Variants in FOXP1 observed in about 807,000 individuals in gnomAD.
FOXP1 encodes forkhead box protein P1.
Under a neutral mutation model 98.2 loss-of-function variants are expected in FOXP1, and 15 were observed. The observed-to-expected ratio is 0.15, with a 90% confidence interval of 0.10 to 0.24. The LOEUF (loss-of-function observed/expected upper bound fraction) is 0.24, where lower values mean the gene tolerates loss of function less well. FOXP1 is among the 10% of genes least tolerant of loss of function. The probability of loss-of-function intolerance (pLI) is 1.00; values close to 1 mark genes in which losing one functional copy is unlikely to be tolerated. For missense variants in FOXP1, 633 were observed against 848.5 expected, an observed-to-expected ratio of 0.75 and a Z score of 3.15; for synonymous variants, 371 against 314.5, an observed-to-expected ratio of 1.18 and a Z score of -1.90.
At chr3:71,265,637 C>T (rs564404237) in intron 5 of FOXP1, among the ~76,000 whole-genome samples, 9 of 152,280 alleles carry the variant, frequency 5.9e-5, no homozygotes, top group Admixed American at 2.0e-4. Flanking sequence ...TGCAACACGG[C>T]GGAAAATGTG....
At chr3:70,966,124 G>T in intron 19 of FOXP1, 68 bp from the exon 20 acceptor site, 1 of 1,276,886 alleles carries the variant, frequency 7.8e-7, no homozygotes, top group Non-Finnish European at 1.1e-6. Flanking sequence ...ACTAATTATG[G>T]GTGTACTCGA....
chr3:71,238,595 G>T (rs888063210), intron 5 of FOXP1, among the ~76,000 whole-genome samples: 1 of 152,200 alleles, frequency 6.6e-6, no homozygotes, highest in African/African-American at 2.4e-5. Context: ...ACATGGAAAA[G>T]ATTAGAATAA....
At chr3:71,139,241 GGCTCACACTGTCTGAATTAAATCA>G (rs980190650) in intron 6 of FOXP1, among the ~76,000 whole-genome samples, 1 of 152,068 alleles carries the variant, frequency 6.6e-6, no homozygotes, top group Non-Finnish European at 1.5e-5. Context: ...CTCTGTTCTG[GGCTCACACTGTCTGAATTAAATCA>G]GAAATTCAGA....
chr3:71,530,849 G>T (rs930028543), intron 2 of FOXP1, among the ~76,000 whole-genome samples: 21 of 152,124 alleles, frequency 1.4e-4, no homozygotes, highest in African/African-American at 5.1e-4. Flanking sequence ...GTATGGAGGG[G>T]TCAATGAAAA....
intron 5 of FOXP1, among the ~76,000 whole-genome samples, chr3:71,287,707 G>A (rs1389736845): frequency 6.6e-6 from 1 of 151,506 alleles, no homozygotes; most frequent in Non-Finnish European, 1.5e-5. Flanking sequence ...TTGAACCTGG[G>A]AGGTGGAGGT....
chr3:71,170,696 T>A (rs917925088), intron 6 of FOXP1, among the ~76,000 whole-genome samples: 15 of 152,232 alleles, frequency 9.9e-5, no homozygotes, highest in African/African-American at 3.6e-4. Context: ...GATTTTGATG[T>A]AATTATACAA....
chr3:71,216,416 C>T (rs1185192216), intron 5 of FOXP1, among the ~76,000 whole-genome samples: 6 of 152,146 alleles, frequency 3.9e-5, no homozygotes. Flanking sequence ...TATCTGAATG[C>T]CCGTCAACTC....
intron 2 of FOXP1, among the ~76,000 whole-genome samples, chr3:71,550,365 G>A (rs550345806): frequency 7.2e-5 from 11 of 152,236 alleles, no homozygotes; most frequent in South Asian, 4.1e-4. Flanking sequence ...TTATATAACC[G>A]CTCCGTGCCT....
intron 3 of FOXP1, among the ~76,000 whole-genome samples, chr3:71,405,562 G>A (rs2082258570): frequency 6.6e-6 from 1 of 152,026 alleles, no homozygotes; most frequent in Non-Finnish European, 1.5e-5. Context: ...AGGAGGCCAG[G>A]TAGATCTGAT....
At chr3:71,397,642 A>G (rs1381031211) in intron 3 of FOXP1, among the ~76,000 whole-genome samples, 1 of 152,254 alleles carries the variant, frequency 6.6e-6, no homozygotes, top group Non-Finnish European at 1.5e-5. Flanking sequence ...AGTCTGCAGT[A>G]CTATGGGAGA....
chr3:71,385,297 C>T (rs2080483473), intron 3 of FOXP1, among the ~76,000 whole-genome samples: 1 of 152,262 alleles, frequency 6.6e-6, no homozygotes, highest in Admixed American at 6.5e-5. Flanking sequence ...TTCTTTAAAA[C>T]TGTATTATAA....
At chr3:70,963,282 CAGTA>C (rs897117122) in intron 20 of FOXP1, among the ~76,000 whole-genome samples, 2 of 152,176 alleles carry the variant, frequency 1.3e-5, no homozygotes, top group Non-Finnish European at 2.9e-5. Context: ...CCAGGTTAGA[CAGTA>C]AGGTTTCGAA....
chr3:71,084,304 G>C (rs1015839385), intron 7 of FOXP1, among the ~76,000 whole-genome samples: 7 of 151,570 alleles, frequency 4.6e-5, no homozygotes, highest in Non-Finnish European at 1.0e-4. Context: ...ATACTATTAA[G>C]AGTTCTCAGT....
At chr3:71,331,828 C>A (rs2107726820) in intron 4 of FOXP1, among the ~76,000 whole-genome samples, 1 of 152,302 alleles carries the variant, frequency 6.6e-6, no homozygotes, top group African/African-American at 2.4e-5. Context: ...CCAATCAGCA[C>A]CCTGTGTCTA....
intron 16 of FOXP1, among the ~76,000 whole-genome samples, 176 bp downstream of exon 16, chr3:70,977,467 G>A (rs191739529): frequency 7.2e-5 from 11 of 152,154 alleles, no homozygotes; most frequent in Non-Finnish European, 1.3e-4. Context: ...TAATCACATC[G>A]TATTGTAATA....
chr3:71,504,891 C>T (rs542215782), intron 2 of FOXP1, among the ~76,000 whole-genome samples: 1 of 152,346 alleles, frequency 6.6e-6, no homozygotes, highest in East Asian at 1.9e-4. Flanking sequence ...GCCTGTGCTG[C>T]ACTGCACATG....
At chr3:71,144,228 A>C (rs1023545149) in intron 6 of FOXP1, among the ~76,000 whole-genome samples, 4 of 152,226 alleles carry the variant, frequency 2.6e-5, no homozygotes, top group African/African-American at 7.2e-5. Flanking sequence ...ACAAAGGCTG[A>C]GTCCACCTCC....
intron 6 of FOXP1, among the ~76,000 whole-genome samples, chr3:71,150,001 T>G (rs997340697): frequency 2.0e-5 from 3 of 152,246 alleles, no homozygotes; most frequent in Non-Finnish European, 4.4e-5. Flanking sequence ...GAAAAATAAT[T>G]TGGTTCCACA....
chr3:71,408,278 T>C (rs2082491669), intron 3 of FOXP1, among the ~76,000 whole-genome samples: 1 of 152,340 alleles, frequency 6.6e-6, no homozygotes, highest in East Asian at 1.9e-4. Context: ...TTGTTTATTC[T>C]GTGTTGAGGG....
Sources: allele counts gnomAD v4.1 joint callset (sites outside exome capture counted in the v4.1 genomes callset), GRCh38; gene constraint gnomAD v4.1.1; transcripts MANE v1.5; gene names NCBI Gene and HGNC (gene_info 2026-07-23, HGNC 2026-07-21).